SLC36A1: variants seen among roughly 807,000 people sequenced by gnomAD.
SLC36A1 encodes proton-coupled amino acid transporter 1.
A neutral mutation model predicts 47.5 loss-of-function variants in SLC36A1; 30 were observed. The ratio of observed to expected loss-of-function variants is 0.63; its 90% confidence interval spans 0.47 to 0.86. The LOEUF (loss-of-function observed/expected upper bound fraction) is 0.86, where lower values mean the gene tolerates loss of function less well. Among genes scored for constraint, SLC36A1 ranks in the 40% least tolerant of loss-of-function variants. The pLI is 0.00. For synonymous variants in SLC36A1, 255 were observed against 249.7 expected, an observed-to-expected ratio of 1.02 and a Z score of -0.20; for missense variants, 517 against 606.0, an observed-to-expected ratio of 0.85 and a Z score of 1.54.
At chr5:151,356,463 C>T in the SLC36A1 span, among the ~76,000 whole-genome samples, 1 of 151,862 alleles carries the variant, frequency 6.6e-6, no homozygotes, top group East Asian at 1.9e-4. Context: ...AGCCAGCAAA[C>T]TCTAGGAGGA....
chr5:151,441,142 A>G (rs1187610332), intron 1 of SLC36A1, among the ~76,000 whole-genome samples: 2 of 152,244 alleles, frequency 1.3e-5, no homozygotes, highest in East Asian at 3.8e-4. Context: ...TGGTTAAAAC[A>G]GAATGCATGC....
chr5:151,469,350 C>G, intron 7 of SLC36A1: 2 of 656,542 alleles, frequency 3.0e-6, no homozygotes, highest in Non-Finnish European at 5.6e-6. Flanking sequence ...ACATGTTCAT[C>G]TACCTTGCTT....
intron 10 of SLC36A1, among the ~76,000 whole-genome samples, chr5:151,481,171 CTG>C: frequency 6.6e-6 from 1 of 152,358 alleles, no homozygotes; most frequent in Non-Finnish European, 1.5e-5. Context: ...CTGGCCCTGT[CTG>C]TGAGTCTCAT....
intron 1 of SLC36A1, among the ~76,000 whole-genome samples, chr5:151,458,301 CGTGTATAT>C (rs1754913562): frequency 9.6e-6 from 1 of 104,614 alleles, no homozygotes. Context: ...TATACATACA[CGTGTATAT>C]ACGTATATAT....
the SLC36A1 span, chr5:151,549,629 T>G: frequency 1.4e-6 from 1 of 707,752 alleles, no homozygotes; most frequent in African/African-American, 1.8e-5. Context: ...ACTCCCCATA[T>G]TCTTTTAAAT....
At chr5:151,469,397 G>A (rs1004733599) in intron 7 of SLC36A1, 5 of 583,030 alleles carry the variant, frequency 8.6e-6, no homozygotes, top group Non-Finnish European at 1.6e-5. Context: ...AGCCTTCCAG[G>A]TTAGTATTCC....
the SLC36A1 span, chr5:151,529,257 T>C: frequency 1.9e-6 from 3 of 1,614,106 alleles, no homozygotes; most frequent in Non-Finnish European, 2.5e-6. Context: ...GGGCCGGTGT[T>C]CATTGACATC....
chr5:151,547,970 A>G, the SLC36A1 span, among the ~76,000 whole-genome samples: 1,603 of 152,346 alleles, frequency 0.011, 13 homozygotes, highest in Non-Finnish European at 0.015. Context: ...AGAATATTTT[A>G]AAACTAATCT....
At chr5:151,555,448 G>A in the SLC36A1 span, among the ~76,000 whole-genome samples, 1 of 141,094 alleles carries the variant, frequency 7.1e-6, no homozygotes, top group Non-Finnish European at 1.5e-5. Context: ...TCAGCTCACT[G>A]CAACCTCCGT....
the SLC36A1 span, chr5:151,512,329 T>A: frequency 6.2e-7 from 1 of 1,614,168 alleles, no homozygotes; most frequent in East Asian, 2.2e-5. This position sits in a 1 kb window ranked among gnomAD's most constrained non-coding sequence, Gnocchi z 4.1. Context: ...CACGACAGCA[T>A]CCAGGCAGCC....
chr5:151,434,393 A>C (rs1489103450), upstream of SLC36A1, among the ~76,000 whole-genome samples: 5 of 152,202 alleles, frequency 3.3e-5, no homozygotes, highest in African/African-American at 1.2e-4. Context: ...TTTAAAACTG[A>C]ATATTAATTG....
Position 151,479,427 on chromosome 5 carries a change from C to A in SLC36A1, c.1097C>A (p.Ala366Glu), listed in dbSNP as rs946051880. 6.2e-7 allele frequency: 1 copy of A among 1,614,200 alleles called. No homozygotes were observed. Among genetic ancestry groups the A allele is most frequent in the Non-Finnish European group, 8.5e-7 (1 of 1,180,030 alleles). ...ATCATCCCCTTCTTTGTGTCCCGAG[C>A]GCCCGAGCACTGTGAGTTAGTGGTG... ...EIIIPFFVSR[A>E]PEHCELVVDL... The change falls in exon 10 of 11, where the codon GCG becomes GAG. Residue 366 changes from alanine to glutamate, a missense_variant. By Grantham distance (107) the Ala-to-Glu change is moderately radical. Coordinates refer to ENST00000243389, the MANE Select transcript of SLC36A1 (RefSeq NM_078483.4).
the SLC36A1 span, chr5:151,550,778 CT>C: frequency 1.2e-6 from 2 of 1,614,100 alleles, no homozygotes; most frequent in African/African-American, 1.3e-5. Context: ...AGCTCTACCC[CT>C]GGCACGGTGT....
At chr5:151,388,482 CAA>C in the SLC36A1 span, among the ~76,000 whole-genome samples, 1 of 92,180 alleles carries the variant, frequency 1.1e-5, no homozygotes, top group South Asian at 3.6e-4. Flanking sequence ...GCCTGGGCAA[CAA>C]GAGTAAAACT....
At chr5:151,505,251 C>T in the SLC36A1 span, 1 of 424,950 alleles carries the variant, frequency 2.4e-6, no homozygotes, top group Non-Finnish European at 4.2e-6. Flanking sequence ...GGACTGAGAG[C>T]CGGCAGATCA....
downstream of SLC36A1, chr5:151,492,506 C>G (rs1314854719): frequency 6.6e-6 from 1 of 151,406 alleles, no homozygotes; most frequent in Admixed American, 6.6e-5. Context: ...AAGCAGTAGA[C>G]CCATCCATGG....
the SLC36A1 span, among the ~76,000 whole-genome samples, chr5:151,503,408 C>T: frequency 2.0e-5 from 3 of 148,140 alleles, no homozygotes; most frequent in South Asian, 6.2e-4. Context: ...AAATGAGAGG[C>T]CAAGTCATAT....
At chr5:151,450,178 A>T (rs1218767364) in intron 1 of SLC36A1, among the ~76,000 whole-genome samples, 1 of 148,188 alleles carries the variant, frequency 6.7e-6, no homozygotes, top group Non-Finnish European at 1.5e-5. Context: ...GATGGAGCAG[A>T]TGTCCGCTTA....
the SLC36A1 span, among the ~76,000 whole-genome samples, chr5:151,355,094 A>C: frequency 6.6e-6 from 1 of 152,226 alleles, no homozygotes; most frequent in East Asian, 1.9e-4. Flanking sequence ...CTCGCTGCTT[A>C]TAGAAAGAAA....
Sources: allele counts gnomAD v4.1 joint callset (sites outside exome capture counted in the v4.1 genomes callset), GRCh38; gene constraint gnomAD v4.1.1; non-coding constraint Gnocchi (gnomAD v3.1); transcripts MANE v1.5; gene names NCBI Gene and HGNC (gene_info 2026-07-23, HGNC 2026-07-21).